XKR6: variants seen among roughly 807,000 people sequenced by gnomAD.
XKR6 encodes XK related 6.
Under a neutral mutation model 56.7 loss-of-function variants are expected in XKR6, and 22 were observed. The ratio of observed to expected loss-of-function variants is 0.39; its 90% confidence interval spans 0.28 to 0.55. XKR6 has a LOEUF of 0.55. XKR6 is among the 20% of genes least tolerant of loss of function. The pLI is 0.66. For synonymous variants in XKR6, 524 were observed against 387.8 expected (o/e 1.35, Z -4.13); for missense variants, 852 against 889.0 (o/e 0.96, Z 0.53).
chr8:11,158,790 T>G (rs936206671), intron 1 of XKR6, among the ~76,000 whole-genome samples: 1 of 152,232 alleles, frequency 6.6e-6, no homozygotes, highest in South Asian at 2.1e-4. Context: ...TTTTAAGTTC[T>G]ACGCTTAGGT....
At chr8:11,144,260 A>T (rs908800596) in intron 1 of XKR6, among the ~76,000 whole-genome samples, 1 of 102,614 alleles carries the variant, frequency 9.7e-6, no homozygotes, top group East Asian at 2.5e-4. Flanking sequence ...GTGTGTATCT[A>T]AAGTAGGCTT....
chr8:11,085,951 A>G (rs1797872641), intron 1 of XKR6, among the ~76,000 whole-genome samples: 1 of 152,030 alleles, frequency 6.6e-6, no homozygotes, highest in Non-Finnish European at 1.5e-5. Flanking sequence ...AACTTCCCAG[A>G]TGACTGCTGT....
chr8:11,064,662 T>G (rs1799931500), intron 1 of XKR6, among the ~76,000 whole-genome samples: 1 of 152,176 alleles, frequency 6.6e-6, no homozygotes, highest in Non-Finnish European at 1.5e-5. Context: ...TTTCATTCTC[T>G]TTTCCCTCCA....
intron 1 of XKR6, among the ~76,000 whole-genome samples, chr8:11,017,776 G>A (rs529502074): frequency 6.6e-6 from 1 of 152,344 alleles, no homozygotes; most frequent in South Asian, 2.1e-4. Flanking sequence ...ACATCAGTCA[G>A]AGGCACCAGT....
chr8:11,035,190 A>T, intron 1 of XKR6: 1 of 534,784 alleles, frequency 1.9e-6, no homozygotes, highest in South Asian at 1.4e-5. Context: ...CGTGGGTGCA[A>T]GCTATCTGGT....
At chr8:10,922,455 C>T (rs943191710) in intron 2 of XKR6, among the ~76,000 whole-genome samples, 2 of 152,236 alleles carry the variant, frequency 1.3e-5, no homozygotes, top group African/African-American at 4.8e-5. Context: ...TCAGTGCTCA[C>T]TTCCACAGAG....
chr8:11,171,883 T>C (rs555875496), intron 1 of XKR6, among the ~76,000 whole-genome samples: 1 of 151,278 alleles, frequency 6.6e-6, no homozygotes, highest in African/African-American at 2.4e-5. Flanking sequence ...TGAAACCCCA[T>C]CTCTACCAAA....
At chr8:11,009,387 T>C (rs1297286626) in intron 1 of XKR6, among the ~76,000 whole-genome samples, 1 of 152,116 alleles carries the variant, frequency 6.6e-6, no homozygotes, top group Non-Finnish European at 1.5e-5. Flanking sequence ...GGTGTGTGCC[T>C]GTAGTCCCAG....
rs940454215 is a variant in XKR6, at chr8:10,896,077, G to C, written c.*1875C>G. On this transcript the variant is annotated 3_prime_UTR_variant, in exon 3 of 3. Coordinates refer to ENST00000416569, the MANE Select transcript of XKR6 (RefSeq NM_173683.4). ...AACAGTATTTACTTAAAAATATTGT[G>C]TGTGTTTATATATATATATATATAT... 9.8e-6 allele frequency: 1 copy of C among 102,212 alleles called. No individual in the cohort carries two copies. The highest frequency in any genetic ancestry group is 2.2e-5 in the Non-Finnish European group (1 of 45,638). The allele number at this position is 102,212 out of a possible 1,614,324, so 6.3% of individuals were successfully genotyped here. A position where few individuals can be genotyped will look rare whatever the true frequency, so the allele number is the denominator to read the frequency against.
chr8:11,125,254 G>A (rs1006837790), intron 1 of XKR6, among the ~76,000 whole-genome samples: 2 of 152,058 alleles, frequency 1.3e-5, no homozygotes, highest in Non-Finnish European at 2.9e-5. Context: ...CGAGGCAACC[G>A]CTGCTGCTCT....
At chr8:11,124,217 T>C in intron 1 of XKR6, 2 of 350,426 alleles carry the variant, frequency 5.7e-6, no homozygotes, top group South Asian at 4.4e-5. Context: ...GCTATTCTAT[T>C]ATCAAGCATA....
At chr8:11,025,270 G>A (rs1338949546) in intron 1 of XKR6, among the ~76,000 whole-genome samples, 3 of 152,220 alleles carry the variant, frequency 2.0e-5, no homozygotes, top group Non-Finnish European at 4.4e-5. Context: ...CTTCAATTCA[G>A]TGGTTACGTT....
At chr8:11,029,537 G>T (rs541220503) in intron 1 of XKR6, among the ~76,000 whole-genome samples, 28 of 152,232 alleles carry the variant, frequency 1.8e-4, no homozygotes, top group Middle Eastern at 6.8e-3. Context: ...AAGAGGTGGT[G>T]CCCTCCCGTC....
chr8:11,184,309 G>T (rs1209566723), intron 1 of XKR6, among the ~76,000 whole-genome samples: 1 of 151,912 alleles, frequency 6.6e-6, no homozygotes, highest in African/African-American at 2.4e-5. Context: ...TCAACTGGTG[G>T]AGATACTATG....
chr8:11,185,823 A>G (rs1299499249), intron 1 of XKR6, among the ~76,000 whole-genome samples: 2 of 152,220 alleles, frequency 1.3e-5, no homozygotes, highest in Non-Finnish European at 2.9e-5. Context: ...AAATTATTTA[A>G]AACTCCAGTT....
chr8:11,054,919 G>T (rs1350490689), intron 1 of XKR6, among the ~76,000 whole-genome samples: 1 of 152,166 alleles, frequency 6.6e-6, no homozygotes, highest in Non-Finnish European at 1.5e-5. Flanking sequence ...TCATGCAAAG[G>T]CCCTGTGGGC....
At chr8:11,050,473 T>G (rs1432482408) in intron 1 of XKR6, among the ~76,000 whole-genome samples, 3 of 151,738 alleles carry the variant, frequency 2.0e-5, no homozygotes, top group African/African-American at 7.3e-5. Flanking sequence ...AAGACAAGTT[T>G]GTTGACAGAA....
chr8:11,092,712 C>T (rs1400801400), intron 1 of XKR6, among the ~76,000 whole-genome samples: 1 of 152,232 alleles, frequency 6.6e-6, no homozygotes, highest in Non-Finnish European at 1.5e-5. Flanking sequence ...GAACCTCATT[C>T]TGCCGGCTTC....
chr8:10,939,826 C>T (rs751101517), intron 1 of XKR6, among the ~76,000 whole-genome samples: 32 of 152,198 alleles, frequency 2.1e-4, no homozygotes, highest in Non-Finnish European at 4.1e-4. Context: ...AGGGGCTGGG[C>T]CCTGCTGCCT....
Sources: gnomAD v4.1 joint callset for allele counts (sites outside exome capture counted in the v4.1 genomes callset) on GRCh38, gnomAD v4.1.1 for gene constraint, MANE v1.5 for transcripts, NCBI Gene and HGNC (gene_info 2026-07-23, HGNC 2026-07-21) for gene names.